The following ATP8A2 variants were observed in gnomAD, a reference collection of about 807,000 sequenced individuals.
ATP8A2 encodes the protein ATPase phospholipid transporting 8A2.
ATP8A2 carries 100 observed loss-of-function variants against 165.6 expected under a neutral mutation model. That is an observed-to-expected ratio of 0.60 (90% CI 0.51 to 0.71). The LOEUF is 0.71. Among genes scored for constraint, ATP8A2 ranks in the 30% least tolerant of loss-of-function variants. The probability of loss-of-function intolerance (pLI) is 0.00; values close to 1 mark genes in which losing one functional copy is unlikely to be tolerated. For synonymous variants in ATP8A2, 543 were observed against 548.8 expected, an observed-to-expected ratio of 0.99 and a Z score of 0.15; for missense variants, 1,227 against 1,479.5, an observed-to-expected ratio of 0.83 and a Z score of 2.80.
At chr13:25,531,302 TATATG>T (rs1157370877) in intron 4 of ATP8A2, among the ~76,000 whole-genome samples, 7 of 123,568 alleles carry the variant, frequency 5.7e-5, no homozygotes, top group Non-Finnish European at 1.0e-4. Flanking sequence ...ATATATGTTA[TATATG>T]ATATATATGT....
intron 33 of ATP8A2, among the ~76,000 whole-genome samples, chr13:25,920,647 G>A (rs1954423249): frequency 6.6e-6 from 1 of 152,196 alleles, no homozygotes; most frequent in African/African-American, 2.4e-5. Context: ...CTCTGGCCAG[G>A]ATGCCCATGG....
chr13:25,984,098 G>A (rs995387924), intron 35 of ATP8A2, among the ~76,000 whole-genome samples: 1 of 152,034 alleles, frequency 6.6e-6, no homozygotes, highest in Non-Finnish European at 1.5e-5. Context: ...TTAGCCAGGT[G>A]TGGTGGTGCG....
chr13:25,544,523 G>T (rs1394609507), intron 10 of ATP8A2, among the ~76,000 whole-genome samples: 2 of 152,154 alleles, frequency 1.3e-5, no homozygotes, highest in Admixed American at 1.3e-4. Flanking sequence ...GGATTAGAAG[G>T]GTTGAGAGAC....
chr13:25,705,013 T>C (rs754328636), intron 25 of ATP8A2: 4 of 257,628 alleles, frequency 1.6e-5, no homozygotes, highest in Non-Finnish European at 3.0e-5. Flanking sequence ...TTTAGACTTA[T>C]TCAAGAAATC....
intron 27 of ATP8A2, among the ~76,000 whole-genome samples, chr13:25,822,272 A>G (rs1951200709): frequency 6.6e-6 from 1 of 152,256 alleles, no homozygotes; most frequent in African/African-American, 2.4e-5. Context: ...TTGTTTTCCA[A>G]ATAATGCCAT....
At chr13:25,832,203 G>A (rs1485816059) in intron 28 of ATP8A2, among the ~76,000 whole-genome samples, 1 of 152,134 alleles carries the variant, frequency 6.6e-6, no homozygotes, top group Non-Finnish European at 1.5e-5. Context: ...CCCCCAGAGT[G>A]CTGGAATTAC....
chr13:25,790,541 A>C (rs1217242824), intron 27 of ATP8A2, among the ~76,000 whole-genome samples: 1 of 149,932 alleles, frequency 6.7e-6, no homozygotes, highest in Admixed American at 6.6e-5. Flanking sequence ...AAAAAAGTCC[A>C]AAAATTAGCT....
At chr13:25,522,320 G>A (rs527475000) in intron 2 of ATP8A2, among the ~76,000 whole-genome samples, 2 of 151,888 alleles carry the variant, frequency 1.3e-5, no homozygotes, top group South Asian at 4.2e-4. Flanking sequence ...TGTTGATTTT[G>A]TATCCTGCAA....
chr13:25,407,403 A>T lies in ATP8A2; in HGVS notation c.76+35115A>T, dbSNP rs374468120. Among the ~76,000 whole-genome samples the T allele has an allele frequency of 2.4e-4, 36 of 152,350 alleles. 3 individuals carry two copies. In the South Asian group the frequency reaches 5.8e-3, roughly 25 times the overall value. On this transcript the variant is annotated intron_variant, in intron 1 of 36. Coordinates refer to ENST00000381655, the MANE Select transcript of ATP8A2 (RefSeq NM_016529.6). Reference sequence around the variant, plus strand: ...CCCAGCAGACAAGGAAGCAATTTTAAAAAACCAAACTCTTCCAACTGTATG... The same window carrying T: ...CCCAGCAGACAAGGAAGCAATTTTATAAAACCAAACTCTTCCAACTGTATG...
chr13:25,772,519 C>T (rs765579874), intron 26 of ATP8A2, among the ~76,000 whole-genome samples: 1 of 152,148 alleles, frequency 6.6e-6, no homozygotes, highest in Admixed American at 6.5e-5. Context: ...TCTGCCACTT[C>T]GAAGCGATGA....
At chr13:25,785,294 G>T (rs1479879765) in intron 27 of ATP8A2, among the ~76,000 whole-genome samples, 7 of 151,816 alleles carry the variant, frequency 4.6e-5, no homozygotes, top group Non-Finnish European at 1.0e-4. Flanking sequence ...CAGCTACTCG[G>T]GAGGCTGAGG....
intron 18 of ATP8A2, among the ~76,000 whole-genome samples, chr13:25,574,345 A>G (rs2039555044): frequency 6.6e-6 from 1 of 152,198 alleles, no homozygotes; most frequent in African/African-American, 2.4e-5. Context: ...ATCAGAACTG[A>G]CATGAAGCTG....
intron 30 of ATP8A2, among the ~76,000 whole-genome samples, chr13:25,846,899 AG>A (rs1187279867): frequency 6.6e-6 from 1 of 152,236 alleles, no homozygotes; most frequent in Non-Finnish European, 1.5e-5. Flanking sequence ...GTGCTAATGC[AG>A]TCATAAAGAG....
chr13:25,710,614 A>G (rs962291021), intron 25 of ATP8A2, among the ~76,000 whole-genome samples: 10 of 152,164 alleles, frequency 6.6e-5, no homozygotes, highest in Non-Finnish European at 1.0e-4. Context: ...CAGGCTGTTC[A>G]CTGTGACCCA....
intron 30 of ATP8A2, among the ~76,000 whole-genome samples, chr13:25,840,683 T>G (rs1259187697): frequency 6.6e-6 from 1 of 152,242 alleles, no homozygotes; most frequent in African/African-American, 2.4e-5. Flanking sequence ...CTCAGTGGAT[T>G]TAATTTATTT....
intron 24 of ATP8A2, among the ~76,000 whole-genome samples, chr13:25,681,277 T>C (rs2137806998): frequency 6.6e-6 from 1 of 152,244 alleles, no homozygotes; most frequent in East Asian, 1.9e-4. Flanking sequence ...ATGATGAAAA[T>C]GAATGTTTTT....
At chr13:25,380,586 A>T (rs1383287158) in intron 1 of ATP8A2, among the ~76,000 whole-genome samples, 2 of 152,160 alleles carry the variant, frequency 1.3e-5, no homozygotes, top group Non-Finnish European at 2.9e-5. Flanking sequence ...ATATTATTAA[A>T]ATTATTTTAT....
intron 33 of ATP8A2, among the ~76,000 whole-genome samples, chr13:25,918,221 T>G (rs764260207): frequency 6.6e-6 from 1 of 152,152 alleles, no homozygotes; most frequent in Non-Finnish European, 1.5e-5. Context: ...CTGATAAAAA[T>G]AAAATGCCTC....
chr13:25,582,251 C>A (rs1475814919), intron 23 of ATP8A2, among the ~76,000 whole-genome samples: 1 of 152,216 alleles, frequency 6.6e-6, no homozygotes, highest in African/African-American at 2.4e-5. Context: ...AAATTTTAGT[C>A]TGAGACTAAG....
Sources: gnomAD v4.1 joint callset for allele counts (sites outside exome capture counted in the v4.1 genomes callset) on GRCh38, gnomAD v4.1.1 for gene constraint, MANE v1.5 for transcripts, NCBI Gene and HGNC (gene_info 2026-07-23, HGNC 2026-07-21) for gene names.